Variants in PRCP observed in about 807,000 individuals in gnomAD.
PRCP encodes the protein prolylcarboxypeptidase.
PRCP carries 46 observed loss-of-function variants against 54.2 expected under a neutral mutation model. The ratio of observed to expected loss-of-function variants is 0.85; its 90% CI spans 0.67 to 1.09. PRCP has a LOEUF of 1.09. Ranked by LOEUF, PRCP falls within the 50% of genes least tolerant of loss-of-function variation. The pLI is 0.00. For synonymous variants in PRCP, 240 were observed against 212.2 expected (o/e 1.13, Z -1.14); for missense variants, 613 against 596.8 (o/e 1.03, Z -0.28).
At chr11:82,832,301 C>T (rs1444829074) in intron 8 of PRCP, among the ~76,000 whole-genome samples, 1 of 152,156 alleles carries the variant, frequency 6.6e-6, no homozygotes, top group Non-Finnish European at 1.5e-5. Context: ...AATAGTTGAA[C>T]TAATTTACAC....
Position 82,853,359 on chromosome 11 carries a change from T to C in PRCP, c.310-81A>G, listed in dbSNP as rs1348033013. On this transcript the variant is annotated intron_variant, in intron 2 of 8. Coordinates refer to ENST00000313010, the MANE Select transcript of PRCP (RefSeq NM_005040.4). ...GAACCTTTTGGCAAACCATATGGAA[T>C]AGATGTTAAGCCAGAACAAAAAGAG... 7.9e-6 allele frequency: 9 copies of C among 1,140,782 alleles called. No individual in the cohort carries two copies. In the Admixed American group the frequency reaches 1.4e-4, roughly 17 times the overall value. 70.7% of individuals were successfully genotyped at this position (1,140,782 alleles called of 1,614,324 possible).
chr11:82,841,224 C>T (rs995945050), intron 6 of PRCP, among the ~76,000 whole-genome samples: 18 of 150,048 alleles, frequency 1.2e-4, no homozygotes, highest in African/African-American at 4.4e-4. Flanking sequence ...CAACCAAACC[C>T]AGCCCCTCAT....
At chr11:82,849,813 T>C (rs1858901336) in intron 5 of PRCP, 101 bp downstream of exon 5, 8 of 1,103,182 alleles carry the variant, frequency 7.3e-6, no homozygotes, top group Non-Finnish European at 9.6e-6. Flanking sequence ...GTATGTACAT[T>C]ATACTTTAAC....
chr11:82,847,315 C>T (rs1249765603), intron 6 of PRCP, among the ~76,000 whole-genome samples: 1 of 152,176 alleles, frequency 6.6e-6, no homozygotes, highest in Non-Finnish European at 1.5e-5. Context: ...TTCCTCCTAA[C>T]CCAGTGCAAT....
intron 8 of PRCP, chr11:82,827,466 T>C (rs576160981): frequency 1.7e-4 from 26 of 152,338 alleles, no homozygotes; most frequent in African/African-American, 6.0e-4. Context: ...GCCAACCTCA[T>C]TCTTCTGCAT....
rs139813780 is a variant in PRCP at position 82,872,835 on chromosome 11, C to T, written c.169-12718G>A. On this transcript the variant is annotated intron_variant, in intron 1 of 8. Transcript: ENST00000313010. ...CTCTCTATGGAGGTGGCAATGGAACCGAAGCCTGAAGGAGCCAGACAAAGA... is the reference window on the plus strand; with the variant it reads ...CTCTCTATGGAGGTGGCAATGGAACTGAAGCCTGAAGGAGCCAGACAAAGA... 7.9e-3 allele frequency among the ~76,000 whole-genome samples: 1,195 copies of T among 152,130 alleles called. 6 individuals carry two copies. Among genetic ancestry groups the T allele is most frequent in the Middle Eastern group, 0.02 (6 of 294 alleles).
At chr11:82,836,140 CAG>C (rs974487113) in intron 8 of PRCP, 1 of 149,794 alleles carries the variant, frequency 6.7e-6, no homozygotes, top group Non-Finnish European at 1.4e-5. Context: ...TTGCAGTGAG[CAG>C]AGATTGTGCC....
At chr11:82,890,022 C>T (rs1859966552) in intron 1 of PRCP, among the ~76,000 whole-genome samples, 1 of 151,610 alleles carries the variant, frequency 6.6e-6, no homozygotes, top group South Asian at 2.1e-4. Flanking sequence ...GCATGCAATT[C>T]TCACTACCCA....
chr11:82,880,451 T>G (rs950699371), intron 1 of PRCP, among the ~76,000 whole-genome samples: 13 of 152,202 alleles, frequency 8.5e-5, no homozygotes, highest in Non-Finnish European at 1.5e-4. Context: ...TGGCTTTCCT[T>G]GGCTAGGAAA....
intron 1 of PRCP, among the ~76,000 whole-genome samples, chr11:82,891,826 C>T (rs1860014421): frequency 6.6e-6 from 1 of 152,102 alleles, no homozygotes; most frequent in Admixed American, 6.6e-5. Context: ...ATTCATTTTC[C>T]ATTTTGCTTT....
At chr11:82,880,394 A>G (rs111740782) in intron 1 of PRCP, among the ~76,000 whole-genome samples, 2,086 of 152,320 alleles carry the variant, frequency 0.014, 47 homozygotes, top group African/African-American at 0.047. Flanking sequence ...TTGGAAAAGC[A>G]CAGTATTAGG....
At chr11:82,848,574 G>A (rs537084646) in intron 6 of PRCP, among the ~76,000 whole-genome samples, 1 of 152,202 alleles carries the variant, frequency 6.6e-6, no homozygotes, top group African/African-American at 2.4e-5. Flanking sequence ...TGCTGCATGG[G>A]GTCACTCTTC....
At chr11:82,830,668 A>C (rs1012091402) in intron 8 of PRCP, 1 of 150,660 alleles carries the variant, frequency 6.6e-6, no homozygotes, top group Non-Finnish European at 1.5e-5. Context: ...ACACTCCAGA[A>C]GTGTACTTTT....
rs767035852 is a variant in PRCP at position 82,836,195 on chromosome 11, G to GAAAAAAAAAAAAAAAAAAAAAAAAA, written c.1274+2191_1274+2192insTTTTTTTTTTTTTTTTTTTTTTTTT. The GAAAAAAAAAAAAAAAAAAAAAAAAA allele has an allele frequency of 2.5e-5, 2 of 79,466 alleles. 1 individual carries two copies. The highest frequency in any genetic ancestry group is 4.9e-5 in the Non-Finnish European group (2 of 40,748). The allele number at this position is 79,466 out of a possible 1,614,324, so 4.9% of individuals were successfully genotyped here. A position where few individuals can be genotyped will look rare whatever the true frequency, so the allele number is the denominator to read the frequency against. ...GTGACAGAGTGAGACTCCATCTCGAGGAAAAAAAAAAAAAAAAAAAAGACA... is the reference window on the plus strand; with the variant it reads ...GTGACAGAGTGAGACTCCATCTCGAGAAAAAAAAAAAAAAAAAAAAAAAAAGAAAAAAAAAAAAAAAAAAAAGACA... On this transcript the variant is annotated intron_variant, in intron 8 of 8. Coordinates refer to ENST00000313010, the MANE Select transcript of PRCP (RefSeq NM_005040.4).
intron 8 of PRCP, chr11:82,826,674 TG>T (rs1461563925): frequency 6.6e-6 from 1 of 152,230 alleles, no homozygotes; most frequent in East Asian, 1.9e-4. Flanking sequence ...TATTTCACTG[TG>T]GTTTTAATTT....
intron 1 of PRCP, among the ~76,000 whole-genome samples, chr11:82,894,169 C>T (rs1015775012): frequency 3.9e-5 from 6 of 152,102 alleles, no homozygotes; most frequent in African/African-American, 1.4e-4. Context: ...AAGGTATTCT[C>T]CTTACCTATG....
chr11:82,865,195 G>A (rs950508859), intron 1 of PRCP, among the ~76,000 whole-genome samples: 1 of 152,154 alleles, frequency 6.6e-6, no homozygotes, highest in Non-Finnish European at 1.5e-5. Context: ...TTCTTTTCAT[G>A]TGCTTTTAAC....
chr11:82,885,719 C>T (rs1459683426), intron 1 of PRCP, among the ~76,000 whole-genome samples: 1 of 152,156 alleles, frequency 6.6e-6, no homozygotes, highest in Admixed American at 6.5e-5. Context: ...TTTCACTCTT[C>T]CAAGAGTGAA....
At chr11:82,835,940 C>T (rs192245524) in intron 8 of PRCP, 1 of 326,796 alleles carries the variant, frequency 3.1e-6, no homozygotes, top group Admixed American at 3.6e-5. Flanking sequence ...TGCCTGTAGT[C>T]CCAGCAATTT....
Sources: allele counts gnomAD v4.1 joint callset (sites outside exome capture counted in the v4.1 genomes callset), GRCh38; gene constraint gnomAD v4.1.1; transcripts MANE v1.5; gene names NCBI Gene and HGNC (gene_info 2026-07-23, HGNC 2026-07-21).